FANCA: variants seen among roughly 807,000 people sequenced by gnomAD.
FANCA encodes Fanconi anemia group A protein.
FANCA carries 236 observed loss-of-function variants against 194.3 expected under a neutral mutation model. The observed-to-expected ratio is 1.21, with a 90% CI of 1.09 to 1.35. FANCA has a LOEUF of 1.35. Among genes scored for constraint, FANCA ranks in the 40% most tolerant of loss-of-function variants. FANCA has a pLI of 0.00. For missense variants in FANCA, 2,628 were observed against 1,813.9 expected, an observed-to-expected ratio of 1.45 and a Z score of -8.15; for synonymous variants, 1,014 against 715.8, an observed-to-expected ratio of 1.42 and a Z score of -6.65.
chr16:89,769,978 G>T lies in FANCA; in HGVS notation c.2363C>A (p.Ala788Asp). 1 of 1,613,914 alleles carries T rather than the reference G, an allele frequency of 6.2e-7. No homozygotes were observed. Among genetic ancestry groups the T allele is most frequent in the Non-Finnish European group, 8.5e-7 (1 of 1,180,000 alleles). Residue 788 changes from alanine (A) to aspartate (D), a missense_variant, in exon 26 of 43, where the codon GCC becomes GAC. Ala to Asp is a moderately radical substitution (Grantham distance 126). Coordinates refer to ENST00000389301, the MANE Select transcript of FANCA (RefSeq NM_000135.4). Reference sequence around the variant, plus strand: ...AGACCTGGACTCACCCAGGTGCACGGCCAGGGCAGCCAACCCCAGCACATG... The same window carrying T: ...AGACCTGGACTCACCCAGGTGCACGTCCAGGGCAGCCAACCCCAGCACATG... ...APHVLGLAAL[A>D]VHLGESRSAL...
chr16:89,808,958 T>G (rs997418211), intron 5 of FANCA, among the ~76,000 whole-genome samples: 3 of 151,426 alleles, frequency 2.0e-5, no homozygotes, highest in East Asian at 1.9e-4. Context: ...CAGGCTGGAG[T>G]GCAGTGGCGC....
At chr16:89,799,679 T>C in intron 8 of FANCA, 41 bp from the exon 9 acceptor site, 1 of 1,518,860 alleles carries the variant, frequency 6.6e-7, no homozygotes, top group Non-Finnish European at 9.1e-7. Context: ...GGTAATCTTC[T>C]GTAATTTGTG....
chr16:89,799,026 G>C (rs900446688), intron 10 of FANCA, 140 bp downstream of exon 10: 1 of 1,614,194 alleles, frequency 6.2e-7, no homozygotes, highest in African/African-American at 1.3e-5. Flanking sequence ...TCCTCCTCAC[G>C]CACGTTATCG....
chr16:89,737,590 G>A lies in FANCA; in HGVS notation c.*1011C>T, dbSNP rs17227452. ...CTGAGGTTTCTTTAAAAACCATCCT[G>A]AAATGCACACAGCTGATGAAGCCAC... On this transcript the variant is annotated 3_prime_UTR_variant, in exon 43 of 43. Transcript: ENST00000389301. 3,451 of 816,526 alleles carry A rather than the reference G, an allele frequency of 4.2e-3. 85 individuals are homozygous for A. The African/African-American group carries it at 0.055, about 13-fold the overall frequency. 50.6% of individuals were successfully genotyped at this position (816,526 alleles called of 1,614,324 possible). A position where few individuals can be genotyped will look rare whatever the true frequency, so the allele number is the denominator to read the frequency against.
chr16:89,814,727 G>A (rs1279023856), intron 2 of FANCA, 114 bp from the exon 3 acceptor site: 1 of 754,826 alleles, frequency 1.3e-6, no homozygotes, highest in Non-Finnish European at 2.3e-6. Context: ...CAGATCACGA[G>A]GTCAAGAGTT....
chr16:89,814,879 T>G (rs2041041109), intron 2 of FANCA, among the ~76,000 whole-genome samples: 1 of 151,826 alleles, frequency 6.6e-6, no homozygotes, highest in African/African-American at 2.4e-5. Context: ...AGGTGGAGGC[T>G]GCAGTGAGCC....
rs759272882 is a variant in FANCA, at chr16:89,805,406, C to T, written c.597-14G>A. Reference sequence around the variant, plus strand: ...ATGTCGGGATGGCTGGAGACACACACAGAGGCAGACGTAAGGCTCAACTAA... The same window carrying T: ...ATGTCGGGATGGCTGGAGACACACATAGAGGCAGACGTAAGGCTCAACTAA... On this transcript the variant is annotated splice_polypyrimidine_tract_variant and intron_variant, in intron 6 of 42. Transcript: ENST00000389301. 8.2e-6 allele frequency: 13 copies of T among 1,594,518 alleles called. No individual in the cohort carries two copies. Among genetic ancestry groups the T allele is most frequent in the Non-Finnish European group, 1.0e-5 (12 of 1,162,702 alleles).
At chr16:89,802,856 G>A (rs547701746) in intron 8 of FANCA, among the ~76,000 whole-genome samples, 1 of 152,176 alleles carries the variant, frequency 6.6e-6, no homozygotes, top group African/African-American at 2.4e-5. Context: ...CTCTTGTGGA[G>A]GTAGAGAGTA....
chr16:89,766,258 G>C (rs896111250), intron 27 of FANCA, among the ~76,000 whole-genome samples: 1 of 151,628 alleles, frequency 6.6e-6, no homozygotes, highest in Non-Finnish European at 1.5e-5. Context: ...GCCTCCCAAA[G>C]TGTTGGGATT....
rs749811331 is a variant in FANCA, at chr16:89,808,353, A to C, written c.537T>G (p.Leu179=). 1.9e-5 allele frequency: 30 copies of C among 1,614,074 alleles called. No individual in the cohort carries two copies. The highest frequency in any genetic ancestry group is 3.3e-5 in the Admixed American group (2 of 59,996). Residue 179 remains leucine, a synonymous_variant, in exon 6 of 43, where the codon CTT becomes CTG. Coordinates refer to ENST00000389301, the MANE Select transcript of FANCA (RefSeq NM_000135.4). ...ELWKIQSSLL[L]EAVWHLHVQG... is the part of the protein sequence containing the mutation. The stretch of plus-strand genomic sequence containing the variant: ...GTACGTGAAGATGCCACACCGCTTC[A>C]AGCAACAAAGAACTCTGAAAAACAA...
At chr16:89,758,126 G>C (rs886309626) in intron 30 of FANCA, among the ~76,000 whole-genome samples, 4 of 152,128 alleles carry the variant, frequency 2.6e-5, no homozygotes, top group African/African-American at 7.2e-5. Flanking sequence ...CGAAGTGCTG[G>C]GATTACAGGT....
At chr16:89,783,149 TG>T (rs1232131703) in intron 15 of FANCA, 47 bp from the exon 16 acceptor site, 2 of 1,442,104 alleles carry the variant, frequency 1.4e-6, no homozygotes, top group African/African-American at 1.4e-5. Context: ...GGGAACTGCC[TG>T]GGACTCCAGG....
At chr16:89,799,015 C>A in intron 10 of FANCA, 151 bp downstream of exon 10, 1 of 1,614,226 alleles carries the variant, frequency 6.2e-7, no homozygotes, top group Non-Finnish European at 8.5e-7. Flanking sequence ...CCATGGTCGC[C>A]TCCTCCTCAC....
chr16:89,813,876 A>G (rs2041001550), intron 3 of FANCA, among the ~76,000 whole-genome samples: 1 of 151,954 alleles, frequency 6.6e-6, no homozygotes, highest in African/African-American at 2.4e-5. Context: ...TCTTTAGCAG[A>G]AAAAAACAAA....
chr16:89,804,783 C>T (rs1459660994), intron 7 of FANCA, among the ~76,000 whole-genome samples: 3 of 152,174 alleles, frequency 2.0e-5, no homozygotes, highest in Admixed American at 2.0e-4. Context: ...CCTATAATCC[C>T]AGCACTTTGG....
At chr16:89,755,584 A>T (rs556096386) in intron 30 of FANCA, among the ~76,000 whole-genome samples, 1 of 152,334 alleles carries the variant, frequency 6.6e-6, no homozygotes, top group African/African-American at 2.4e-5. Flanking sequence ...ACTTTATAAA[A>T]ATTTAAAACC....
In FANCA at chr16:89,744,665, G is replaced by GT. The variant is rs56850260; in HGVS notation, c.3626+293dup. Reference sequence around the variant, plus strand: ...CTCAGACGAGACACTGGCAGAGGCTGTTTTTTTTTTTGTTTTTTTTCTGGA... The same window carrying GT: ...CTCAGACGAGACACTGGCAGAGGCTGTTTTTTTTTTTTGTTTTTTTTCTGGA... On this transcript the variant is annotated intron_variant, in intron 36 of 42. Transcript: ENST00000389301. The GT allele has an allele frequency of 0.29, 103,929 of 352,836 alleles. 7,076 individuals carry two copies. The highest frequency in any genetic ancestry group is 0.52 in the East Asian group (8,390 of 16,010). The allele number at this position is 352,836 out of a possible 1,614,324, so 21.9% of individuals were successfully genotyped here. A position where few individuals can be genotyped will look rare whatever the true frequency, so the allele number is the denominator to read the frequency against.
Position 89,799,720 on chromosome 16 carries a change from C to T in FANCA, c.793-82G>A, listed in dbSNP as rs926681705. On this transcript the variant is annotated intron_variant, in intron 8 of 42. Transcript: ENST00000389301. The stretch of plus-strand genomic sequence containing the variant: ...CCTGCATCACACAAGAGAATTATTA[C>T]TTGTTACTCTAAAGTAAAGAAACGG... 33 of 1,218,508 alleles carry T rather than the reference C, an allele frequency of 2.7e-5. No homozygotes were observed. In the African/African-American group the frequency reaches 4.4e-4, roughly 16 times the overall value. The allele number at this position is 1,218,508 out of a possible 1,614,324, so 75.5% of individuals were successfully genotyped here.
intron 1 of FANCA, 53 bp from the exon 2 acceptor site, chr16:89,816,039 C>A (rs752139890): frequency 7.1e-7 from 1 of 1,412,972 alleles, no homozygotes; most frequent in Non-Finnish European, 1.0e-6. Context: ...CACACGGGGT[C>A]CCCGGCCCGA....
Sources: allele counts gnomAD v4.1 joint callset (sites outside exome capture counted in the v4.1 genomes callset), GRCh38; gene constraint gnomAD v4.1.1; transcripts MANE v1.5; gene names NCBI Gene and HGNC (gene_info 2026-07-23, HGNC 2026-07-21).